The following LSM14A variants were observed in gnomAD, a reference collection of about 807,000 sequenced individuals.
The protein encoded by LSM14A is protein LSM14 homolog A.
LSM14A carries 14 observed loss-of-function variants against 52.4 expected under a neutral mutation model. The observed-to-expected ratio is 0.27, with a 90% confidence interval of 0.18 to 0.42. The LOEUF is 0.42. LSM14A is among the 10% of genes least tolerant of loss of function. The pLI, the probability that LSM14A is intolerant of heterozygous loss-of-function variation, is 1.00. For synonymous variants in LSM14A, 185 were observed against 200.3 expected, an observed-to-expected ratio of 0.92 and a Z score of 0.64; for missense variants, 417 against 581.8, an observed-to-expected ratio of 0.72 and a Z score of 2.91.
At chr19:34,215,789 G>A (rs985521061) in intron 6 of LSM14A, 128 bp downstream of exon 6, 1 of 668,926 alleles carries the variant, frequency 1.5e-6, no homozygotes, top group African/African-American at 1.8e-5. Flanking sequence ...GAGCACAGGG[G>A]AGTGTCACTG....
chr19:34,198,826 A>C (rs2071063785), intron 3 of LSM14A, among the ~76,000 whole-genome samples: 1 of 152,028 alleles, frequency 6.6e-6, no homozygotes, highest in Non-Finnish European at 1.5e-5. Flanking sequence ...CTCTACTAAA[A>C]ATACAAAAAA....
intron 5 of LSM14A, 115 bp downstream of exon 5, chr19:34,215,415 A>T: frequency 8.3e-7 from 1 of 1,202,214 alleles, no homozygotes. Flanking sequence ...TAAACTGAAT[A>T]TGATAGAATG....
intron 3 of LSM14A, among the ~76,000 whole-genome samples, chr19:34,206,654 A>G (rs1227496955): frequency 2.0e-5 from 3 of 152,138 alleles, no homozygotes; most frequent in Non-Finnish European, 4.4e-5. Flanking sequence ...CAGCCTGACG[A>G]CAGAGCAAGA....
chr19:34,197,696 C>T (rs1465639457), intron 3 of LSM14A, among the ~76,000 whole-genome samples: 2 of 152,096 alleles, frequency 1.3e-5, no homozygotes, highest in African/African-American at 4.8e-5. Context: ...CCACCTCAGC[C>T]TCCCGAAGTG....
chr19:34,194,664 T>C (rs1442954995), intron 2 of LSM14A, 23 bp downstream of exon 2: 1 of 1,612,972 alleles, frequency 6.2e-7, no homozygotes, highest in African/African-American at 1.3e-5. Flanking sequence ...AAATTTGTCT[T>C]GGAGTACAGG....
At chr19:34,184,992 ATG>A in intron 1 of LSM14A, among the ~76,000 whole-genome samples, 1 of 152,158 alleles carries the variant, frequency 6.6e-6, no homozygotes, top group Non-Finnish European at 1.5e-5. Context: ...TCCTTTGTAA[ATG>A]TGTTTTGCTT....
intron 3 of LSM14A, among the ~76,000 whole-genome samples, chr19:34,206,075 A>G (rs538068916): frequency 3.3e-5 from 5 of 152,342 alleles, no homozygotes; most frequent in African/African-American, 1.2e-4. Context: ...AGGAAATAAA[A>G]TCTCAATATC....
chr19:34,218,754 T>C (rs1274977639), intron 6 of LSM14A, among the ~76,000 whole-genome samples: 1 of 152,158 alleles, frequency 6.6e-6, no homozygotes, highest in Non-Finnish European at 1.5e-5. Context: ...TACTGTGTTA[T>C]AGAGGAGAGA....
intron 3 of LSM14A, among the ~76,000 whole-genome samples, chr19:34,205,768 T>TA (rs2071652328): frequency 6.6e-6 from 1 of 151,754 alleles, no homozygotes; most frequent in East Asian, 1.9e-4. Context: ...GGGAAGAAAA[T>TA]AAAAAGATAA....
chr19:34,192,600 GATTGCAGGC>G (rs2145623995), intron 1 of LSM14A, among the ~76,000 whole-genome samples: 1 of 132,814 alleles, frequency 7.5e-6, no homozygotes, highest in East Asian at 2.8e-4. Context: ...AAAGTGCTGG[GATTGCAGGC>G]ATGAGGCGCT....
At chr19:34,209,436 T>C (rs966582105) in intron 4 of LSM14A, among the ~76,000 whole-genome samples, 1 of 152,232 alleles carries the variant, frequency 6.6e-6, no homozygotes, top group Non-Finnish European at 1.5e-5. Context: ...ACATTTTCCC[T>C]AACATCCTCA....
intron 1 of LSM14A, among the ~76,000 whole-genome samples, chr19:34,192,621 C>T (rs2070511127): frequency 9.5e-6 from 1 of 104,984 alleles, no homozygotes. Flanking sequence ...TGAGGCGCTG[C>T]ATCAGTTCTG....
At chr19:34,208,130 G>C (rs2071845434) in intron 3 of LSM14A, 1 of 152,194 alleles carries the variant, frequency 6.6e-6, no homozygotes, top group Non-Finnish European at 1.5e-5. Flanking sequence ...GAGGACAGTG[G>C]AAGCCACCAG....
intron 3 of LSM14A, among the ~76,000 whole-genome samples, chr19:34,201,492 G>A (rs1312426563): frequency 6.6e-6 from 1 of 152,124 alleles, no homozygotes; most frequent in East Asian, 1.9e-4. Context: ...ACAAGCATGT[G>A]CCACCACGCC....
intron 3 of LSM14A, among the ~76,000 whole-genome samples, chr19:34,205,256 G>A (rs559839234): frequency 3.4e-4 from 51 of 151,672 alleles, no homozygotes; most frequent in Non-Finnish European, 5.6e-4. Flanking sequence ...GGAGGTCAAG[G>A]CGGGCAGATT....
intron 9 of LSM14A, among the ~76,000 whole-genome samples, chr19:34,222,183 T>G (rs1303654574): frequency 6.6e-6 from 1 of 152,268 alleles, no homozygotes; most frequent in Non-Finnish European, 1.5e-5. Flanking sequence ...GGTATAGAGA[T>G]ATTAAGTAAC....
chr19:34,186,508 C>T (rs2069919945), intron 1 of LSM14A, among the ~76,000 whole-genome samples: 1 of 152,298 alleles, frequency 6.6e-6, no homozygotes, highest in Admixed American at 6.5e-5. Context: ...ATTTACCAGG[C>T]CTCCTTAATC....
chr19:34,195,926 T>G (rs1339583307), intron 2 of LSM14A, among the ~76,000 whole-genome samples: 2 of 152,222 alleles, frequency 1.3e-5, no homozygotes, highest in Non-Finnish European at 2.9e-5. Flanking sequence ...TCAGTAGTAT[T>G]TACAGAGTAT....
At chr19:34,174,530 A>G (rs754942603) in intron 1 of LSM14A, among the ~76,000 whole-genome samples, 12 of 152,202 alleles carry the variant, frequency 7.9e-5, no homozygotes, top group Non-Finnish European at 1.5e-4. Flanking sequence ...ACACCTGTAG[A>G]CTTGGCGGTT....
Sources: allele counts gnomAD v4.1 joint callset (sites outside exome capture counted in the v4.1 genomes callset), GRCh38; gene constraint gnomAD v4.1.1; transcripts MANE v1.5; gene names NCBI Gene and HGNC (gene_info 2026-07-23, HGNC 2026-07-21).